The following MS4A1 variants were observed in gnomAD, a reference collection of about 807,000 sequenced individuals.
MS4A1 encodes the protein B-lymphocyte antigen CD20.
Under a neutral mutation model 26.5 loss-of-function variants are expected in MS4A1, and 16 were observed. The ratio of observed to expected loss-of-function variants is 0.60; its 90% confidence interval spans 0.41 to 0.92. The LOEUF is 0.92. Among genes scored for constraint, MS4A1 ranks in the 40% least tolerant of loss-of-function variants. The probability of loss-of-function intolerance (pLI) is 0.00; values close to 1 mark genes in which losing one functional copy is unlikely to be tolerated. For missense variants in MS4A1, 350 were observed against 353.0 expected, an observed-to-expected ratio of 0.99 and a Z score of 0.07; for synonymous variants, 128 against 117.6, an observed-to-expected ratio of 1.09 and a Z score of -0.57.
At chr11:60,465,568 A>C (rs1428658326) in intron 5 of MS4A1, among the ~76,000 whole-genome samples, 1 of 152,242 alleles carries the variant, frequency 6.6e-6, no homozygotes, top group Non-Finnish European at 1.5e-5. Context: ...TAAACTGGAT[A>C]ATATTTATCT....
chr11:60,461,889 C>T (rs929569367), intron 2 of MS4A1, among the ~76,000 whole-genome samples: 3 of 148,968 alleles, frequency 2.0e-5, no homozygotes, highest in Non-Finnish European at 4.4e-5. Flanking sequence ...TGGAATCGAC[C>T]CCTCCTGCTT....
intron 1 of MS4A1, among the ~76,000 whole-genome samples, chr11:60,456,224 A>C (rs2135189665): frequency 6.6e-6 from 1 of 152,304 alleles, no homozygotes; most frequent in South Asian, 2.1e-4. Flanking sequence ...ATGGTTTCTA[A>C]ACCATTGGGT....
intron 5 of MS4A1, 82 bp downstream of exon 5, chr11:60,464,426 C>A: frequency 8.1e-7 from 1 of 1,238,558 alleles, no homozygotes; most frequent in Non-Finnish European, 1.2e-6. Context: ...CCTTAAAAAG[C>A]CAAGGTATCA....
In MS4A1 at chr11:60,468,436, T is replaced by A. The variant is rs1174072766; in HGVS notation, c.862T>A (p.Ser288Thr). 2.5e-6 allele frequency: 4 copies of A among 1,614,128 alleles called. No individual in the cohort carries two copies. The highest frequency in any genetic ancestry group is 1.7e-5 in the Admixed American group (1 of 60,024). The change falls in exon 8 of 8, where the codon TCC becomes ACC. Residue 288 changes from serine to threonine, a missense_variant. By Grantham distance (58) the Ser-to-Thr change is moderately conservative. Transcript: ENST00000345732. ...TCCAGAACCTCCCCAAGATCAGGAA[T>A]CCTCACCAATAGAAAATGACAGCTC... Reference protein sequence around the residue: ...NFPEPPQDQESSPIENDSSP With the variant: ...NFPEPPQDQETSPIENDSSP
At chr11:60,463,256 A>G (rs1338163964) in intron 4 of MS4A1, 135 bp downstream of exon 4, 2 of 1,296,786 alleles carry the variant, frequency 1.5e-6, no homozygotes, top group Non-Finnish European at 2.2e-6. Context: ...AAAGTAATTA[A>G]GAAGACAGGT....
At position 60,469,742 on chromosome 11, in the gene MS4A1, T is replaced by A. The variant is rs1227062580; in HGVS notation, c.*1274T>A. ...GAAACAATGTAATTAAAATGCCGAA[T>A]CTGAGTCAACAGCTGCCCTACTTTT... On this transcript the variant is annotated 3_prime_UTR_variant, in exon 8 of 8. Transcript: ENST00000345732. The A allele has an allele frequency of 1.3e-5, 2 of 152,136 alleles. No homozygotes were observed. Among genetic ancestry groups the A allele is most frequent in the African/African-American group, 4.8e-5 (2 of 41,450 alleles). 9.4% of individuals were successfully genotyped at this position (152,136 alleles called of 1,614,324 possible). A position where few individuals can be genotyped will look rare whatever the true frequency, so the allele number is the denominator to read the frequency against.
chr11:60,464,256 CT>C (rs1414291135), intron 4 of MS4A1, 31 bp from the exon 5 acceptor site: 1 of 1,527,568 alleles, frequency 6.5e-7, no homozygotes, highest in East Asian at 2.3e-5. Context: ...TGCCCACCCC[CT>C]CTCCATCTCC....
Position 60,463,104 on chromosome 11 carries a change from C to A in MS4A1, c.262C>A (p.Leu88Ile), listed in dbSNP as rs116433863. ...APICVTVWYP[L>I]WGGIMYIISG... Reference sequence around the variant, plus strand: ...CATCTGTGTGACTGTGTGGTACCCTCTCTGGGGAGGCATTATGGTGAGTAA... The same window carrying A: ...CATCTGTGTGACTGTGTGGTACCCTATCTGGGGAGGCATTATGGTGAGTAA... Residue 88 changes from leucine to isoleucine, a missense_variant, in exon 4 of 8, where the codon CTC (leucine) becomes ATC (isoleucine). Leu to Ile is a conservative substitution (Grantham distance 5). Coordinates refer to ENST00000345732, the MANE Select transcript of MS4A1 (RefSeq NM_152866.3). 1.4e-4 allele frequency: 228 copies of A among 1,614,186 alleles called. No individual in the cohort carries two copies. In the African/African-American group the frequency reaches 2.7e-3, roughly 19 times the overall value.
At chr11:60,461,047 T>G (rs565967054) in intron 1 of MS4A1, 25 bp from the exon 2 acceptor site, 20 of 151,950 alleles carry the variant, frequency 1.3e-4, no homozygotes, top group African/African-American at 4.8e-4. Flanking sequence ...TATTAAGAAG[T>G]AACTAAATCC....
At chr11:60,461,398 G>C (rs1434949178) in intron 2 of MS4A1, among the ~76,000 whole-genome samples, 2 of 151,170 alleles carry the variant, frequency 1.3e-5, no homozygotes, top group Non-Finnish European at 2.9e-5. Flanking sequence ...TTGAACCTGA[G>C]GCCCAGAGAA....
intron 5 of MS4A1, chr11:60,465,618 T>C: frequency 2.8e-6 from 1 of 359,352 alleles, no homozygotes; most frequent in East Asian, 6.1e-5. Context: ...CCTACTAGGA[T>C]GGTGGCAGTG....
At chr11:60,457,358 G>A (rs2086212821) in intron 1 of MS4A1, among the ~76,000 whole-genome samples, 1 of 152,120 alleles carries the variant, frequency 6.6e-6, no homozygotes, top group African/African-American at 2.4e-5. Context: ...TCTCCAGCAG[G>A]TAATGACAGG....
intron 4 of MS4A1, 157 bp from the exon 5 acceptor site, chr11:60,464,131 T>C: frequency 3.1e-6 from 2 of 643,462 alleles, no homozygotes; most frequent in Non-Finnish European, 5.6e-6. Context: ...GAAAAATGAA[T>C]ACAACTGATA....
In MS4A1 at chr11:60,463,005, G is replaced by A. The variant is rs2135198063; in HGVS notation, c.163G>A (p.Val55Ile). 6.2e-7 allele frequency: 1 copy of A among 1,613,778 alleles called. No individual in the cohort carries two copies. The highest frequency in any genetic ancestry group is 1.1e-5 in the South Asian group (1 of 91,076). Reference sequence around the variant, plus strand: ...GCTGCCTCTGTTCTCTCCCCAGGCTGTCCAGATTATGAATGGGCTCTTCCA... The same window carrying A: ...GCTGCCTCTGTTCTCTCCCCAGGCTATCCAGATTATGAATGGGCTCTTCCA... Reference protein sequence around the residue: ...FMRESKTLGAVQIMNGLFHIA... With the variant: ...FMRESKTLGAIQIMNGLFHIA... The change falls in exon 4 of 8, where the codon GTC becomes ATC. Residue 55 changes from valine to isoleucine, a missense_variant. By Grantham distance (29) the Val-to-Ile change is conservative. Transcript: ENST00000345732.
intron 1 of MS4A1, chr11:60,458,285 G>A (rs1941030): frequency 0.64 from 97,624 of 152,032 alleles, 31,447 homozygotes; most frequent in Admixed American, 0.7. Context: ...TTGAGTGGAA[G>A]AGAATGAAGA....
intron 1 of MS4A1, among the ~76,000 whole-genome samples, chr11:60,456,859 G>A (rs2000635): frequency 1.3e-5 from 2 of 152,110 alleles, no homozygotes; most frequent in East Asian, 1.9e-4. Flanking sequence ...TCGAGCTCCC[G>A]ACCTCAGGGG....
intron 1 of MS4A1, among the ~76,000 whole-genome samples, chr11:60,459,436 G>A (rs555951353): frequency 2.9e-3 from 441 of 152,286 alleles, no homozygotes; most frequent in Non-Finnish European, 4.4e-3. Flanking sequence ...AGCAGAAAAA[G>A]CATCAACATC....
chr11:60,467,171 A>G, intron 7 of MS4A1, 111 bp downstream of exon 7: 1 of 547,436 alleles, frequency 1.8e-6, no homozygotes, highest in African/African-American at 2.0e-5. Context: ...AGCTTGATTT[A>G]AAAAAAAAAA....
At chr11:60,467,170 TA>T (rs895673408) in intron 7 of MS4A1, 110 bp downstream of exon 7, 13,377 of 680,662 alleles carry the variant, frequency 0.02, no homozygotes, top group East Asian at 0.025. Flanking sequence ...GAGCTTGATT[TA>T]AAAAAAAAAA....
Sources: gnomAD v4.1 joint callset for allele counts (sites outside exome capture counted in the v4.1 genomes callset) on GRCh38, gnomAD v4.1.1 for gene constraint, MANE v1.5 for transcripts, NCBI Gene and HGNC (gene_info 2026-07-23, HGNC 2026-07-21) for gene names.